The following FGD6 variants were observed in gnomAD, a reference collection of about 807,000 sequenced individuals.
FGD6 encodes the protein FYVE, RhoGEF and PH domain-containing protein 6.
Under a neutral mutation model 149.4 loss-of-function variants are expected in FGD6, and 90 were observed. The ratio of observed to expected loss-of-function variants is 0.60; its 90% CI spans 0.51 to 0.72. FGD6 has a LOEUF of 0.72. Ranked by LOEUF, FGD6 falls within the 30% of genes least tolerant of loss-of-function variation. The pLI, the probability that FGD6 is intolerant of heterozygous loss-of-function variation, is 0.00. For missense variants in FGD6, 1,437 were observed against 1,684.8 expected (o/e 0.85, Z 2.57); for synonymous variants, 527 against 584.0 (o/e 0.90, Z 1.41).
At chr12:95,213,859 C>T (rs1380125305) in intron 1 of FGD6, among the ~76,000 whole-genome samples, 1 of 152,194 alleles carries the variant, frequency 6.6e-6, no homozygotes, top group Non-Finnish European at 1.5e-5. Flanking sequence ...TAACTGTGAA[C>T]TTGGGCTTGC....
At chr12:95,151,930 T>C (rs1173097818) in intron 5 of FGD6, among the ~76,000 whole-genome samples, 3 of 152,184 alleles carry the variant, frequency 2.0e-5, no homozygotes, top group Non-Finnish European at 4.4e-5. Flanking sequence ...TGTCAATGCA[T>C]AATGAAACTT....
chr12:95,121,205 C>T (rs931448759), intron 8 of FGD6, among the ~76,000 whole-genome samples: 10 of 151,694 alleles, frequency 6.6e-5, no homozygotes, highest in African/African-American at 2.2e-4. Context: ...TTTGGGAGGC[C>T]GAAGCGGGCA....
Position 95,125,947 on chromosome 12 carries a change from A to G in FGD6, c.3082+8792T>C, listed in dbSNP as rs546359141. The G allele has an allele frequency of 1.4e-5, 21 of 1,453,092 alleles. No homozygotes were observed. In the South Asian group the frequency reaches 2.1e-4, roughly 14 times the overall value. The allele number at this position is 1,453,092 out of a possible 1,614,324, so 90.0% of individuals were successfully genotyped here. ...ATGCAGCTCACTGATTTCATCCTCA[A>G]GTTTCCATACAGTGCCCACCAGAAG... On this transcript the variant is annotated intron_variant, in intron 8 of 20. Transcript: ENST00000343958.
At chr12:95,143,984 T>C (rs1879933341) in intron 5 of FGD6, among the ~76,000 whole-genome samples, 1 of 152,186 alleles carries the variant, frequency 6.6e-6, no homozygotes, top group African/African-American at 2.4e-5. Flanking sequence ...GGAAGGTATT[T>C]CCTCTGCCAT....
chr12:95,175,027 A>G (rs1881095825), intron 2 of FGD6, among the ~76,000 whole-genome samples: 2 of 152,080 alleles, frequency 1.3e-5, no homozygotes, highest in African/African-American at 4.8e-5. Context: ...TATTATTAAG[A>G]ATATAGTAAC....
At chr12:95,105,216 T>G in intron 13 of FGD6, 130 bp from the exon 14 acceptor site, 1 of 742,416 alleles carries the variant, frequency 1.3e-6, no homozygotes, top group Non-Finnish European at 2.3e-6. Flanking sequence ...TCTACTGCTG[T>G]TCTCCTTCAT....
chr12:95,166,347 G>T (rs1188629639), intron 3 of FGD6, among the ~76,000 whole-genome samples: 1 of 152,140 alleles, frequency 6.6e-6, no homozygotes, highest in African/African-American at 2.4e-5. Flanking sequence ...CTTCAGCAAG[G>T]TTTATTTTAT....
intron 2 of FGD6, among the ~76,000 whole-genome samples, chr12:95,196,566 T>A (rs960653293): frequency 1.3e-5 from 2 of 152,174 alleles, no homozygotes. Flanking sequence ...ACTATGACTA[T>A]GGCATTTATT....
At chr12:95,156,990 C>A (rs1222460641) in intron 3 of FGD6, among the ~76,000 whole-genome samples, 1 of 152,178 alleles carries the variant, frequency 6.6e-6, no homozygotes. Context: ...TCTTCAATAT[C>A]TGCCAGTAAT....
chr12:95,130,036 C>T (rs1879474190), intron 8 of FGD6, among the ~76,000 whole-genome samples: 1 of 152,100 alleles, frequency 6.6e-6, no homozygotes, highest in Non-Finnish European at 1.5e-5. Context: ...CAACTATATG[C>T]ATTCTTTTAG....
At chr12:95,203,559 G>A (rs1165438314) in intron 2 of FGD6, among the ~76,000 whole-genome samples, 1 of 152,160 alleles carries the variant, frequency 6.6e-6, no homozygotes, top group East Asian at 1.9e-4. Context: ...CTAAGAAAAA[G>A]ACAACTAATT....
At chr12:95,191,894 C>G (rs1479980393) in intron 2 of FGD6, among the ~76,000 whole-genome samples, 1 of 152,114 alleles carries the variant, frequency 6.6e-6, no homozygotes, top group African/African-American at 2.4e-5. Context: ...CGCCACCACG[C>G]CTGGCTAATT....
chr12:95,214,226 T>C (rs1285675115), intron 1 of FGD6, among the ~76,000 whole-genome samples: 1 of 152,244 alleles, frequency 6.6e-6, no homozygotes, highest in Non-Finnish European at 1.5e-5. Flanking sequence ...CACATACACA[T>C]ACTCTTTAAT....
At chr12:95,167,263 A>G (rs1191029339) in intron 3 of FGD6, among the ~76,000 whole-genome samples, 1 of 152,186 alleles carries the variant, frequency 6.6e-6, no homozygotes, top group Non-Finnish European at 1.5e-5. Context: ...TAAGAGTAGC[A>G]TTGCTAGGTC....
At chr12:95,199,246 A>ATCTCACTGATGCAACTGTTGCATCTCT in intron 2 of FGD6, among the ~76,000 whole-genome samples, 1 of 152,200 alleles carries the variant, frequency 6.6e-6, no homozygotes, top group South Asian at 2.1e-4. Flanking sequence ...CTTTGGTTGC[A>ATCTCACTGATGCAACTGTTGCATCTCT]TCAGTGAGTG....
rs1881062885 is a variant in FGD6, at chr12:95,173,989, C to CTT, written c.2442-1246_2442-1245insAA. Among the ~76,000 whole-genome samples, 7 of 152,264 alleles carry CTT rather than the reference C, an allele frequency of 4.6e-5. No homozygotes were observed. In the East Asian group the frequency reaches 1.2e-3, roughly 25 times the overall value. The stretch of plus-strand genomic sequence containing the variant: ...CCCAACTGTTACACAAACCAGCTGG[C>CTT]TGGAGGCACAGTGCCAAAAGGAACA... On this transcript the variant is annotated intron_variant, in intron 2 of 20. Transcript: ENST00000343958.
chr12:95,111,648 T>C lies in FGD6; in HGVS notation c.3133+2003A>G, dbSNP rs552786860. ...TTAACCTTCACACTTTTCTCTGTCATCCAAATAATTCTGTCCTGCTCGGTG... is the reference window on the plus strand; with the variant it reads ...TTAACCTTCACACTTTTCTCTGTCACCCAAATAATTCTGTCCTGCTCGGTG... On this transcript the variant is annotated intron_variant, in intron 9 of 20. Transcript: ENST00000343958. Among the ~76,000 whole-genome samples, 4 of 152,260 alleles carry C rather than the reference T, an allele frequency of 2.6e-5. No homozygotes were observed. In the South Asian group the frequency reaches 6.2e-4, roughly 24 times the overall value.
At chr12:95,121,083 T>C (rs1415626255) in intron 8 of FGD6, among the ~76,000 whole-genome samples, 1 of 152,164 alleles carries the variant, frequency 6.6e-6, no homozygotes, top group Non-Finnish European at 1.5e-5. Flanking sequence ...TTTAATGTTA[T>C]TATAATGGTG....
chr12:95,129,884 G>A (rs893156426), intron 8 of FGD6, among the ~76,000 whole-genome samples: 2 of 152,078 alleles, frequency 1.3e-5, no homozygotes, highest in Non-Finnish European at 2.9e-5. Context: ...ATGTCGGCCA[G>A]GCTGGTCTCG....
Sources: gnomAD v4.1 joint callset for allele counts (sites outside exome capture counted in the v4.1 genomes callset) on GRCh38, gnomAD v4.1.1 for gene constraint, MANE v1.5 for transcripts, NCBI Gene and HGNC (gene_info 2026-07-23, HGNC 2026-07-21) for gene names.